The following CDC73 variants were observed in gnomAD, a reference collection of about 807,000 sequenced individuals.
CDC73 encodes the protein parafibromin.
In CDC73, 21 loss-of-function variants were observed where a neutral mutation model predicts 83.7. The observed-to-expected ratio is 0.25, with a 90% CI of 0.18 to 0.36. The LOEUF (loss-of-function observed/expected upper bound fraction) is 0.36, where lower values mean the gene tolerates loss of function less well. Among genes scored for constraint, CDC73 ranks in the 10% least tolerant of loss-of-function variants. The pLI, the probability that CDC73 is intolerant of heterozygous loss-of-function variation, is 1.00. For missense variants in CDC73, 342 were observed against 653.3 expected (o/e 0.52, Z 5.19); for synonymous variants, 224 against 212.9 (o/e 1.05, Z -0.45).
intron 13 of CDC73, among the ~76,000 whole-genome samples, chr1:193,229,465 CTTGCTCCTTCTGTG>C (rs1227210948): frequency 6.6e-6 from 1 of 152,186 alleles, no homozygotes; most frequent in Non-Finnish European, 1.5e-5. Flanking sequence ...AGAGAGCTTC[CTTGCTCCTTCTGTG>C]ATAGGAGGAC....
At chr1:193,127,289 ATGT>A (rs1454150235) in intron 2 of CDC73, among the ~76,000 whole-genome samples, 36 of 143,260 alleles carry the variant, frequency 2.5e-4, no homozygotes, top group African/African-American at 8.5e-4. Flanking sequence ...AAAAAAAAAA[ATGT>A]GTGTGTGTGT....
chr1:193,222,967 C>G (rs950376426), intron 13 of CDC73, among the ~76,000 whole-genome samples: 6 of 151,974 alleles, frequency 3.9e-5, no homozygotes, highest in Admixed American at 1.3e-4. Flanking sequence ...TTGGCCACAC[C>G]TTAATCTGAT....
At chr1:193,195,847 C>T (rs1163853452) in intron 10 of CDC73, among the ~76,000 whole-genome samples, 3 of 152,062 alleles carry the variant, frequency 2.0e-5, no homozygotes, top group Non-Finnish European at 4.4e-5. Context: ...TTTAAATTGG[C>T]TGGTTTGTGT....
rs746972930 is a variant in CDC73 at position 193,122,316 on chromosome 1, A to G, written c.116A>G (p.Asn39Ser). ...EFSWPKNVKTNYVVWGTGKEG... is the reference protein window; with the variant it reads ...EFSWPKNVKTSYVVWGTGKEG... The stretch of plus-strand genomic sequence containing the variant: ...TCCTGGCCCAAGAATGTGAAGACCA[A>G]CTATGTTGTTTGGGGGTAAGTCCGG... The change falls in exon 1 of 17, where the codon AAC becomes AGC. Residue 39 changes from asparagine (N) to serine (S), a missense_variant. Asn to Ser is a conservative substitution (Grantham distance 46, BLOSUM62 1). Around this residue, in one of 3 missense-constraint regions of CDC73, gnomAD observed 99 missense variants for 174.5 expected, o/e 0.57. Coordinates refer to ENST00000367435, the MANE Select transcript of CDC73 (RefSeq NM_024529.5). 3.1e-6 allele frequency: 5 copies of G among 1,614,002 alleles called. No homozygotes were observed. The highest frequency in any genetic ancestry group is 2.7e-5 in the African/African-American group (2 of 74,930).
chr1:193,213,831 A>C (rs1677317100), intron 13 of CDC73, among the ~76,000 whole-genome samples: 2 of 152,214 alleles, frequency 1.3e-5, no homozygotes, highest in African/African-American at 4.8e-5. Context: ...CTTCAAGAAT[A>C]TCTCAAGCCT....
intron 10 of CDC73, among the ~76,000 whole-genome samples, chr1:193,159,687 T>C (rs1310236067): frequency 2.0e-5 from 3 of 152,296 alleles, no homozygotes; most frequent in Middle Eastern, 6.8e-3. Flanking sequence ...TTGATTGCAG[T>C]ATGGAATTAA....
chr1:193,131,472 G>A (rs1675692373), intron 3 of CDC73, among the ~76,000 whole-genome samples: 1 of 152,044 alleles, frequency 6.6e-6, no homozygotes, highest in Admixed American at 6.5e-5. Context: ...ATTTCCTATA[G>A]TGTAGTCTTA....
At chr1:193,147,186 A>C (rs1413909985) in intron 7 of CDC73, among the ~76,000 whole-genome samples, 1 of 149,198 alleles carries the variant, frequency 6.7e-6, no homozygotes, top group Non-Finnish European at 1.5e-5. Flanking sequence ...TAGAGACGGG[A>C]TTTCACCGTA....
chr1:193,248,483 T>C (rs1572225418), intron 15 of CDC73, among the ~76,000 whole-genome samples: 1 of 152,106 alleles, frequency 6.6e-6, no homozygotes, highest in African/African-American at 2.4e-5. Flanking sequence ...TTTCAAGATT[T>C]ATTATTTAAG....
intron 10 of CDC73, among the ~76,000 whole-genome samples, chr1:193,161,671 CATATA>C (rs1198694916): frequency 3.6e-5 from 1 of 27,848 alleles, no homozygotes; most frequent in Non-Finnish European, 6.4e-5. Context: ...ATATATCTAT[CATATA>C]ATATATATAA....
Position 193,153,966 on chromosome 1 carries a change from T to TTA in CDC73, c.972+1522_972+1523insTA, listed in dbSNP as rs992334497. ...AGAGCAACAGCAAGGAGGCCAGTGT[T>TTA]GCTAGAGTTTGGAGAACTAAGGGAA... On this transcript the variant is annotated intron_variant, in intron 10 of 16. Coordinates refer to ENST00000367435, the MANE Select transcript of CDC73 (RefSeq NM_024529.5). 5.3e-4 allele frequency among the ~76,000 whole-genome samples: 81 copies of TTA among 152,180 alleles called. 1 individual carries two copies. The highest frequency in any genetic ancestry group is 1.8e-3 in the African/African-American group (74 of 41,458).
rs1267257971 is a variant in CDC73 at position 193,189,599 on chromosome 1, G to A, written c.973-14196G>A. On this transcript the variant is annotated intron_variant, in intron 10 of 16. Transcript: ENST00000367435. The stretch of plus-strand genomic sequence containing the variant: ...CTATTTTTAATCCTACAACACATCC[G>A]TGATGGCAAAATAGGTGGCCGTTAC... Among the ~76,000 whole-genome samples the A allele has an allele frequency of 2.0e-5, 3 of 152,104 alleles. No individual in the cohort carries two copies. The East Asian group carries it at 5.8e-4, about 29-fold the overall frequency.
chr1:193,159,684 C>T (rs10801183), intron 10 of CDC73, among the ~76,000 whole-genome samples: 111,177 of 152,080 alleles, frequency 0.73, 40,931 homozygotes, highest in South Asian at 0.82. Context: ...TTTTTGATTG[C>T]AGTATGGAAT....
In CDC73 at chr1:193,122,135, A is replaced by G; in HGVS notation, c.-66A>G. On this transcript the variant is annotated 5_prime_UTR_variant, in exon 1 of 17. Transcript: ENST00000367435. The stretch of plus-strand genomic sequence containing the variant: ...AGGAGGAAGAGGGCGAGGCGACAAG[A>G]GAAGAAGGAGGCAGGCGCGGCGGCA... 2 of 1,523,018 alleles carry G rather than the reference A, an allele frequency of 1.3e-6. No homozygotes were observed. The highest frequency in any genetic ancestry group is 2.2e-5 in the South Asian group (2 of 89,170). 94.3% of individuals were successfully genotyped at this position (1,523,018 alleles called of 1,614,324 possible).
chr1:193,128,228 C>T (rs1260729366), intron 2 of CDC73: 1 of 152,126 alleles, frequency 6.6e-6, no homozygotes, highest in African/African-American at 2.4e-5. Flanking sequence ...GACTTAGAAA[C>T]AGTAACTTAA....
At chr1:193,211,471 A>ATTTTCACC (rs1406750694) in intron 11 of CDC73, among the ~76,000 whole-genome samples, 1 of 151,976 alleles carries the variant, frequency 6.6e-6, no homozygotes, top group Non-Finnish European at 1.5e-5. Context: ...AGTAGTAGAG[A>ATTTTCACC]TTTTCACCTT....
chr1:193,171,748 G>A (rs1676520922), intron 10 of CDC73, among the ~76,000 whole-genome samples: 1 of 152,116 alleles, frequency 6.6e-6, no homozygotes, highest in Non-Finnish European at 1.5e-5. Context: ...ACTTTGCCAT[G>A]TAATGTTAAA....
chr1:193,169,094 T>C (rs532260955), intron 10 of CDC73, among the ~76,000 whole-genome samples: 1 of 152,364 alleles, frequency 6.6e-6, no homozygotes, highest in East Asian at 1.9e-4. Context: ...TCAGTGGATA[T>C]GGAGGCAACT....
chr1:193,250,429 G>C (rs539949262), intron 16 of CDC73, among the ~76,000 whole-genome samples: 1 of 151,804 alleles, frequency 6.6e-6, no homozygotes, highest in East Asian at 1.9e-4. Context: ...TAACATTTTT[G>C]GTGCAAGTCT....
Sources: allele counts gnomAD v4.1 joint callset (sites outside exome capture counted in the v4.1 genomes callset), GRCh38; gene constraint gnomAD v4.1.1; regional missense constraint gnomAD v4.1.1; transcripts MANE v1.5; gene names NCBI Gene and HGNC (gene_info 2026-07-23, HGNC 2026-07-21).